OR2L13: variants seen among roughly 807,000 people sequenced by gnomAD.
The protein encoded by OR2L13 is olfactory receptor 2L13.
Under a neutral mutation model 15.3 loss-of-function variants are expected in OR2L13, and 14 were observed. The observed-to-expected ratio is 0.91, with a 90% CI of 0.60 to 1.43. OR2L13 has a LOEUF of 1.43. Ranked by LOEUF, OR2L13 falls within the 40% of genes most tolerant of loss-of-function variation. OR2L13 has a pLI of 0.00. For synonymous variants in OR2L13, 152 were observed against 142.9 expected, an observed-to-expected ratio of 1.06 and a Z score of -0.45; for missense variants, 367 against 387.9, an observed-to-expected ratio of 0.95 and a Z score of 0.45.
At chr1:248,048,381 A>G in the OR2L13 span, among the ~76,000 whole-genome samples, 648 of 152,332 alleles carry the variant, frequency 4.3e-3, 2 homozygotes, top group Non-Finnish European at 7.6e-3. Context: ...CAAATACAAC[A>G]TTATGTACTG....
the OR2L13 span, chr1:248,084,158 G>A: frequency 0.03 from 39,133 of 1,299,034 alleles, 294 homozygotes; most frequent in African/African-American, 0.096. Flanking sequence ...CCAGGAGCCA[G>A]GACGACATGG....
At chr1:248,047,323 T>A in the OR2L13 span, among the ~76,000 whole-genome samples, 3 of 151,320 alleles carry the variant, frequency 2.0e-5, no homozygotes, top group African/African-American at 7.4e-5. Context: ...TTGCTACTTC[T>A]CACTTTGTAT....
chr1:247,981,266 A>C, the OR2L13 span, among the ~76,000 whole-genome samples: 1 of 152,216 alleles, frequency 6.6e-6, no homozygotes. Flanking sequence ...TTCTAGTAAA[A>C]TACCTGAAAG....
At chr1:247,992,354 T>C in the OR2L13 span, among the ~76,000 whole-genome samples, 1 of 152,188 alleles carries the variant, frequency 6.6e-6, no homozygotes, top group African/African-American at 2.4e-5. Context: ...TTAGTTATGT[T>C]ATGGGGGGAG....
chr1:247,988,244 C>T, the OR2L13 span, among the ~76,000 whole-genome samples: 1 of 151,846 alleles, frequency 6.6e-6, no homozygotes, highest in Non-Finnish European at 1.5e-5. Context: ...ATATTTCTCT[C>T]TCTTCTAATT....
the OR2L13 span, among the ~76,000 whole-genome samples, chr1:248,078,318 C>T: frequency 2.6e-5 from 4 of 151,736 alleles, no homozygotes; most frequent in African/African-American, 9.7e-5. Flanking sequence ...CCGTGTCTAC[C>T]AAAAATACAA....
the OR2L13 span, among the ~76,000 whole-genome samples, chr1:248,072,777 C>G: frequency 1.3e-5 from 2 of 150,576 alleles, no homozygotes; most frequent in Non-Finnish European, 3.0e-5. Context: ...AACAAATTTA[C>G]AAGAAAAAAA....
the OR2L13 span, among the ~76,000 whole-genome samples, chr1:247,956,828 C>G: frequency 6.6e-6 from 1 of 152,148 alleles, no homozygotes; most frequent in Admixed American, 6.6e-5. Flanking sequence ...TGCCTATCAG[C>G]TTAAGGAGAT....
the OR2L13 span, among the ~76,000 whole-genome samples, chr1:248,070,853 C>T: frequency 0.041 from 6,234 of 152,152 alleles, 426 homozygotes; most frequent in African/African-American, 0.14. Context: ...AACACCTCCA[C>T]GCAAATAGAC....
chr1:248,012,195 A>G, the OR2L13 span, among the ~76,000 whole-genome samples: 1 of 152,110 alleles, frequency 6.6e-6, no homozygotes, highest in Non-Finnish European at 1.5e-5. Flanking sequence ...CTCAGGGAGA[A>G]CAGGGGTATT....
the OR2L13 span, among the ~76,000 whole-genome samples, chr1:247,943,333 T>G: frequency 6.6e-6 from 1 of 152,054 alleles, no homozygotes; most frequent in Non-Finnish European, 1.5e-5. Flanking sequence ...CTATGTTCAT[T>G]ATTTTAGTGA....
the OR2L13 span, among the ~76,000 whole-genome samples, chr1:247,982,110 T>C: frequency 8.5e-5 from 13 of 152,206 alleles, no homozygotes; most frequent in African/African-American, 2.7e-4. Context: ...CCACCGCGCC[T>C]GGCCCATAAT....
At chr1:247,988,860 TG>T in the OR2L13 span, among the ~76,000 whole-genome samples, 1 of 152,184 alleles carries the variant, frequency 6.6e-6, no homozygotes, top group African/African-American at 2.4e-5. Flanking sequence ...TTATTGTTTT[TG>T]CTTCCCTAAT....
the OR2L13 span, among the ~76,000 whole-genome samples, chr1:247,943,706 A>AT: frequency 6.6e-6 from 1 of 152,106 alleles, no homozygotes; most frequent in Non-Finnish European, 1.5e-5. Context: ...TTTTCAACTT[A>AT]TGATGGTTTT....
At chr1:248,022,741 G>A in the OR2L13 span, 53 of 1,613,894 alleles carry the variant, frequency 3.3e-5, no homozygotes, top group Non-Finnish European at 3.9e-5. Flanking sequence ...AGATCCCTGC[G>A]ATCTCTGACA....
At chr1:248,038,276 T>C in the OR2L13 span, 2 of 1,605,310 alleles carry the variant, frequency 1.2e-6, no homozygotes, top group East Asian at 2.2e-5. Flanking sequence ...CCATGGAAAA[T>C]TACAATCAAA....
At chr1:248,001,042 G>GT in the OR2L13 span, among the ~76,000 whole-genome samples, 1 of 151,608 alleles carries the variant, frequency 6.6e-6, no homozygotes, top group African/African-American at 2.4e-5. Context: ...TTTTTAAAAG[G>GT]TTTATATTAA....
At chr1:248,035,165 T>C in the OR2L13 span, among the ~76,000 whole-genome samples, 1 of 151,912 alleles carries the variant, frequency 6.6e-6, no homozygotes, top group South Asian at 2.1e-4. Flanking sequence ...AAAGTGTCAC[T>C]CTTGGCCAGG....
At chr1:248,072,158 C>T in the OR2L13 span, among the ~76,000 whole-genome samples, 1 of 151,866 alleles carries the variant, frequency 6.6e-6, no homozygotes, top group Non-Finnish European at 1.5e-5. Context: ...AGAAAAGAGC[C>T]CACATTGCCA....
Sources: allele counts gnomAD v4.1 joint callset (sites outside exome capture counted in the v4.1 genomes callset), GRCh38; gene constraint gnomAD v4.1.1; transcripts MANE v1.5; gene names NCBI Gene and HGNC (gene_info 2026-07-23, HGNC 2026-07-21).